Variants in CDKN2C observed in about 807,000 individuals in gnomAD.
CDKN2C encodes the protein cyclin dependent kinase inhibitor 2C, also known as cyclin-dependent kinase 4 inhibitor C.
A neutral mutation model predicts 11.0 loss-of-function variants in CDKN2C; 5 were observed. That is an observed-to-expected ratio of 0.45 (90% CI 0.24 to 0.95). The LOEUF (loss-of-function observed/expected upper bound fraction) is 0.95, where lower values mean the gene tolerates loss of function less well. CDKN2C is among the 40% of genes least tolerant of loss of function. The pLI is 0.21. For synonymous variants in CDKN2C, 79 were observed against 88.3 expected (o/e 0.89, Z 0.59); for missense variants, 161 against 211.9 (o/e 0.76, Z 1.49).
At chr1:50,973,434 A>G (rs1427898803) in intron 1 of CDKN2C, among the ~76,000 whole-genome samples, 1 of 152,226 alleles carries the variant, frequency 6.6e-6, no homozygotes, top group East Asian at 1.9e-4. Flanking sequence ...TTTAGAAAAT[A>G]AAGTTTAACC....
At chr1:50,970,599 A>G (rs1415487573) in intron 1 of CDKN2C, 102 bp downstream of exon 1, 4 of 1,379,080 alleles carry the variant, frequency 2.9e-6, no homozygotes, top group Admixed American at 3.4e-5. Flanking sequence ...ATAAAATTTC[A>G]CTGTTTTTAA....
rs532363574 is a variant in CDKN2C at position 50,964,393 on chromosome 1, T to C, written c.-1975-3543T>C. Among the ~76,000 whole-genome samples, 6 of 152,380 alleles carry C rather than the reference T, an allele frequency of 3.9e-5. No homozygotes were observed. In the East Asian group the frequency reaches 9.6e-4, roughly 24 times the overall value. On this transcript the variant is annotated intron_variant, in intron 1 of 3. Transcript: ENST00000262662. ...GAGATGTGTATCACCGCAGAGGTGA[T>C]ATGTCCTTGTTACATCATATCAAGG...
chr1:50,961,495 G>A (rs1003298154), intron 1 of CDKN2C, among the ~76,000 whole-genome samples: 2 of 152,228 alleles, frequency 1.3e-5, no homozygotes, highest in African/African-American at 4.8e-5. Flanking sequence ...GAGAAAGTGT[G>A]ACAGTGGAAG....
At chr1:50,960,755 T>G (rs1244881588) in exon 1 of CDKN2C, 1 of 152,142 alleles carries the variant, frequency 6.6e-6, no homozygotes, top group Non-Finnish European at 1.5e-5. Flanking sequence ...AACACAGAAG[T>G]AACCAGACTG....
upstream of CDKN2C, among the ~76,000 whole-genome samples, chr1:50,965,841 G>A (rs1645344854): frequency 6.6e-6 from 1 of 152,100 alleles, no homozygotes; most frequent in Non-Finnish European, 1.5e-5. Flanking sequence ...GGCTGCCTGG[G>A]GGTGCCCAGT....
rs771383579 is a variant in CDKN2C, at chr1:50,970,419, C to T, written c.51C>T (p.Asp17=). 3 of 1,614,008 alleles carry T rather than the reference C, an allele frequency of 1.9e-6. No individual in the cohort carries two copies. The highest frequency in any genetic ancestry group is 2.2e-5 in the South Asian group (2 of 91,066). ...TGGCGTCCGCAGCTGCCAGGGGGGA[C>T]CTAGAGCAACTTACTAGTTTGTTGC... The part of the protein sequence containing the change: ...NELASAAARG[D]LEQLTSLLQN... Residue 17 remains aspartate, a synonymous_variant, in exon 1 of 2, where the codon GAC becomes GAT. Transcript: ENST00000371761.
At chr1:50,967,151 C>A (rs1645350578), upstream of CDKN2C, among the ~76,000 whole-genome samples, 1 of 152,214 alleles carries the variant, frequency 6.6e-6, no homozygotes, top group African/African-American at 2.4e-5. Context: ...TACCAGTTCT[C>A]TTTTATCAGC....
At chr1:50,967,528 T>C, upstream of CDKN2C, among the ~76,000 whole-genome samples, 1 of 152,252 alleles carries the variant, frequency 6.6e-6, no homozygotes, top group Non-Finnish European at 1.5e-5. Flanking sequence ...CCCAGTGTAC[T>C]TCAAGAAGGG....
chr1:50,968,192 C>CT (rs386366935), upstream of CDKN2C: 4 of 614 alleles, frequency 6.5e-3, no homozygotes, highest in African/African-American at 0.053. Context: ...AGCGCGCGCG[C>CT]CTAGAGGAGG....
chr1:50,966,621 T>C (rs1645348109), upstream of CDKN2C, among the ~76,000 whole-genome samples: 1 of 152,086 alleles, frequency 6.6e-6, no homozygotes, highest in Non-Finnish European at 1.5e-5. Context: ...TTGGAGTTAC[T>C]GTGTAATACT....
intron 1 of CDKN2C, among the ~76,000 whole-genome samples, chr1:50,965,239 C>A (rs1645342598): frequency 6.6e-6 from 1 of 152,016 alleles, no homozygotes; most frequent in South Asian, 2.1e-4. Flanking sequence ...GTGGCTCACA[C>A]CTGTAATCCT....
chr1:50,962,646 C>T (rs2124775019), intron 1 of CDKN2C, among the ~76,000 whole-genome samples: 1 of 152,238 alleles, frequency 6.6e-6, no homozygotes, highest in Middle Eastern at 3.4e-3. Context: ...CCATGTTGCT[C>T]CCTTTTTCTT....
upstream of CDKN2C, chr1:50,968,671 C>T (rs1645361955): frequency 6.6e-6 from 1 of 152,190 alleles, no homozygotes. Flanking sequence ...GGCGCCCGGC[C>T]TTCCCGCTCC....
chr1:50,972,891 A>G (rs1430885182), intron 1 of CDKN2C, among the ~76,000 whole-genome samples: 1 of 152,180 alleles, frequency 6.6e-6, no homozygotes. Flanking sequence ...CCAGTTGATT[A>G]TTAAATGAGC....
intron 1 of CDKN2C, among the ~76,000 whole-genome samples, chr1:50,971,325 C>T (rs1557609158): frequency 6.6e-6 from 1 of 152,174 alleles, no homozygotes; most frequent in Non-Finnish European, 1.5e-5. Context: ...TGATGATATT[C>T]TTATGAGCTA....
At chr1:50,964,015 T>G (rs1274114346) in intron 1 of CDKN2C, among the ~76,000 whole-genome samples, 1 of 151,874 alleles carries the variant, frequency 6.6e-6, no homozygotes, top group Non-Finnish European at 1.5e-5. Flanking sequence ...TTACTAAATT[T>G]TTATTTGAAA....
chr1:50,969,244 AC>A (rs1645365983), upstream of CDKN2C: 1 of 153,546 alleles, frequency 6.5e-6, no homozygotes. This position sits in a 1 kb window ranked among gnomAD's most constrained non-coding sequence, Gnocchi z 6.6. Flanking sequence ...AGAGGCCCCC[AC>A]AAAACCGGGA....
intron 1 of CDKN2C, among the ~76,000 whole-genome samples, chr1:50,971,038 A>T (rs1326425090): frequency 6.6e-6 from 1 of 152,208 alleles, no homozygotes; most frequent in Admixed American, 6.5e-5. Context: ...TTTACAGTTA[A>T]TGTAATACCA....
At chr1:50,962,429 AG>A (rs1645329016) in intron 1 of CDKN2C, among the ~76,000 whole-genome samples, 1 of 152,234 alleles carries the variant, frequency 6.6e-6, no homozygotes, top group African/African-American at 2.4e-5. Flanking sequence ...TAATTCCAAA[AG>A]TCAGCACAAA....
Sources: gnomAD v4.1 joint callset for allele counts (sites outside exome capture counted in the v4.1 genomes callset) on GRCh38, gnomAD v4.1.1 for gene constraint, Gnocchi (gnomAD v3.1) non-coding constraint, MANE v1.5 for transcripts, NCBI Gene and HGNC (gene_info 2026-07-23, HGNC 2026-07-21) for gene names.